CPA6: variants seen among roughly 807,000 people sequenced by gnomAD.
CPA6 encodes the protein carboxypeptidase A6, also known as carboxypeptidase B.
In CPA6, 58 loss-of-function variants were observed where a neutral mutation model predicts 63.3. The observed-to-expected ratio is 0.92, with a 90% CI of 0.74 to 1.14. The LOEUF is 1.14. Ranked by LOEUF, CPA6 falls within the 50% of genes most tolerant of loss-of-function variation. The pLI, the probability that CPA6 is intolerant of heterozygous loss-of-function variation, is 0.00. For missense variants in CPA6, 565 were observed against 526.6 expected, an observed-to-expected ratio of 1.07 and a Z score of -0.71; for synonymous variants, 185 against 179.0, an observed-to-expected ratio of 1.03 and a Z score of -0.27.
chr8:67,652,313 G>A (rs7846481), intron 1 of CPA6, among the ~76,000 whole-genome samples: 94,708 of 151,958 alleles, frequency 0.62, 30,297 homozygotes, highest in African/African-American at 0.77. Context: ...CTGAGGAATC[G>A]CCACACTGAC....
intron 6 of CPA6, among the ~76,000 whole-genome samples, chr8:67,503,595 AC>A (rs1213750987): frequency 1.3e-5 from 2 of 151,282 alleles, no homozygotes; most frequent in African/African-American, 4.9e-5. Flanking sequence ...GGTGTGAGCC[AC>A]CATGCCCAGC....
chr8:67,742,520 A>G (rs1300033930), intron 1 of CPA6, among the ~76,000 whole-genome samples: 2 of 152,194 alleles, frequency 1.3e-5, no homozygotes, highest in African/African-American at 4.8e-5. Flanking sequence ...TATTTGTAAA[A>G]TGAGGATAAC....
At chr8:67,618,555 A>G (rs1815009947) in intron 2 of CPA6, among the ~76,000 whole-genome samples, 1 of 152,144 alleles carries the variant, frequency 6.6e-6, no homozygotes, top group South Asian at 2.1e-4. Flanking sequence ...TCCCCATGTG[A>G]TTTTATGACT....
At chr8:67,653,094 A>G (rs1330686745) in intron 1 of CPA6, among the ~76,000 whole-genome samples, 1 of 151,900 alleles carries the variant, frequency 6.6e-6, no homozygotes, top group Non-Finnish European at 1.5e-5. Flanking sequence ...TGTTCCATTG[A>G]TCTATATCTC....
intron 2 of CPA6, among the ~76,000 whole-genome samples, chr8:67,522,830 G>A (rs138446178): frequency 1.6e-4 from 25 of 152,356 alleles, no homozygotes; most frequent in African/African-American, 5.8e-4. Flanking sequence ...GTGGGCAGGC[G>A]TGGGATCCAG....
chr8:67,602,420 A>G (rs1814518957), intron 2 of CPA6, among the ~76,000 whole-genome samples: 1 of 152,154 alleles, frequency 6.6e-6, no homozygotes, highest in Non-Finnish European at 1.5e-5. Context: ...ATGCATTGTT[A>G]CCTATTCAAA....
chr8:67,547,321 T>C (rs943491549), intron 2 of CPA6, among the ~76,000 whole-genome samples: 16 of 152,238 alleles, frequency 1.1e-4, no homozygotes, highest in Admixed American at 4.6e-4. Context: ...GCTGGGATTA[T>C]AGGCATGAGC....
At chr8:67,489,300 A>T (rs1205353544) in intron 6 of CPA6, among the ~76,000 whole-genome samples, 2 of 152,084 alleles carry the variant, frequency 1.3e-5, no homozygotes, top group Non-Finnish European at 2.9e-5. Flanking sequence ...AGATTGGCTC[A>T]CTAACTTGGA....
chr8:67,584,324 G>C (rs1813865047), intron 2 of CPA6, among the ~76,000 whole-genome samples: 1 of 152,172 alleles, frequency 6.6e-6, no homozygotes, highest in Non-Finnish European at 1.5e-5. Flanking sequence ...GCAAAGTCTT[G>C]AATAGCCCTC....
At chr8:67,500,382 G>T (rs1023014503) in intron 6 of CPA6, among the ~76,000 whole-genome samples, 22 of 151,914 alleles carry the variant, frequency 1.4e-4, no homozygotes, top group African/African-American at 5.3e-4. Context: ...TTTCTCATTG[G>T]ATTGCTTGCT....
intron 2 of CPA6, among the ~76,000 whole-genome samples, chr8:67,520,831 C>T (rs922215367): frequency 6.6e-5 from 10 of 152,180 alleles, no homozygotes; most frequent in East Asian, 1.9e-4. Flanking sequence ...CAGGATCTTC[C>T]GAGAATATGC....
intron 1 of CPA6, among the ~76,000 whole-genome samples, chr8:67,681,242 G>T (rs1165868305): frequency 5.0e-5 from 5 of 100,354 alleles, no homozygotes; most frequent in Non-Finnish European, 5.6e-5. Context: ...TCGCTCTGTC[G>T]CCCAGGCCGG....
At chr8:67,737,458 C>T (rs1201719305) in intron 1 of CPA6, among the ~76,000 whole-genome samples, 1 of 152,024 alleles carries the variant, frequency 6.6e-6, no homozygotes, top group Non-Finnish European at 1.5e-5. Context: ...TTTTTCCCCC[C>T]TTTGCAATCG....
At chr8:67,665,113 T>G (rs1256242245) in intron 1 of CPA6, among the ~76,000 whole-genome samples, 3 of 152,188 alleles carry the variant, frequency 2.0e-5, no homozygotes, top group Non-Finnish European at 4.4e-5. Context: ...AAAGGCCAGG[T>G]AGACTATCAA....
chr8:67,438,889 T>C (rs1281237763), intron 8 of CPA6, among the ~76,000 whole-genome samples: 1 of 151,432 alleles, frequency 6.6e-6, no homozygotes, highest in Non-Finnish European at 1.5e-5. Flanking sequence ...TAAGTATGAG[T>C]CTTAAGTTAG....
chr8:67,711,792 G>A (rs1306143163), intron 1 of CPA6, among the ~76,000 whole-genome samples: 2 of 151,906 alleles, frequency 1.3e-5, no homozygotes, highest in African/African-American at 2.4e-5. Flanking sequence ...GTCTAATCAC[G>A]AGCCATTCAG....
At chr8:67,556,229 A>T (rs962531629) in intron 2 of CPA6, among the ~76,000 whole-genome samples, 1 of 152,206 alleles carries the variant, frequency 6.6e-6, no homozygotes, top group African/African-American at 2.4e-5. Context: ...CTGCGTTCGT[A>T]GGAGCTCAGG....
At chr8:67,632,561 C>T (rs1815366972) in intron 1 of CPA6, among the ~76,000 whole-genome samples, 1 of 152,170 alleles carries the variant, frequency 6.6e-6, no homozygotes, top group African/African-American at 2.4e-5. Flanking sequence ...ATCCTCCTAC[C>T]TTGGCTTCCC....
At chr8:67,533,367 C>A (rs1460265039) in intron 2 of CPA6, among the ~76,000 whole-genome samples, 1 of 152,174 alleles carries the variant, frequency 6.6e-6, no homozygotes, top group African/African-American at 2.4e-5. Flanking sequence ...CCCACATGTT[C>A]AGCTGATTAA....
Sources: gnomAD v4.1 joint callset for allele counts (sites outside exome capture counted in the v4.1 genomes callset) on GRCh38, gnomAD v4.1.1 for gene constraint, MANE v1.5 for transcripts, NCBI Gene and HGNC (gene_info 2026-07-23, HGNC 2026-07-21) for gene names.